The following SLC9D1 variants were observed in gnomAD, a reference collection of about 807,000 sequenced individuals.
SLC9D1 encodes the protein solute carrier family 9 member D1.
At chr13:113,500,401 G>C in the SLC9D1 span, among the ~76,000 whole-genome samples, 1 of 152,162 alleles carries the variant, frequency 6.6e-6, no homozygotes, top group African/African-American at 2.4e-5. Context: ...TTTGAAATTA[G>C]GAGTTACTGT....
At chr13:113,533,390 G>A in the SLC9D1 span, among the ~76,000 whole-genome samples, 1 of 152,292 alleles carries the variant, frequency 6.6e-6, no homozygotes, top group Non-Finnish European at 1.5e-5. Flanking sequence ...AGAGGCTGAC[G>A]CCCTTGGGAA....
chr13:113,513,208 G>C, the SLC9D1 span, among the ~76,000 whole-genome samples: 1 of 152,160 alleles, frequency 6.6e-6, no homozygotes, highest in Non-Finnish European at 1.5e-5. Context: ...ATAGCGGATA[G>C]GTAACCCACA....
At chr13:113,502,689 C>G in the SLC9D1 span, among the ~76,000 whole-genome samples, 1 of 152,174 alleles carries the variant, frequency 6.6e-6, no homozygotes, top group Non-Finnish European at 1.5e-5. Context: ...GTGCGAGCAG[C>G]GTGGAGAACG....
At chr13:113,515,890 C>CAAAAAAA in the SLC9D1 span, among the ~76,000 whole-genome samples, 3 of 79,054 alleles carry the variant, frequency 3.8e-5, no homozygotes, top group East Asian at 3.9e-4. Flanking sequence ...GACTCCGTCC[C>CAAAAAAA]AAAAAAAAAA....
At chr13:113,502,456 G>A in the SLC9D1 span, among the ~76,000 whole-genome samples, 10,119 of 152,004 alleles carry the variant, frequency 0.067, 386 homozygotes, top group Non-Finnish European at 0.078. Flanking sequence ...CTCATAATCC[G>A]CCCGCCTCGG....
At chr13:113,496,054 G>C in the SLC9D1 span, 1 of 1,475,720 alleles carries the variant, frequency 6.8e-7, no homozygotes. Context: ...GAGAGAGAGA[G>C]AGGGAGAGGG....
the SLC9D1 span, among the ~76,000 whole-genome samples, chr13:113,536,314 G>A: frequency 6.6e-6 from 1 of 150,984 alleles, no homozygotes; most frequent in Non-Finnish European, 1.5e-5. Flanking sequence ...GGAGGCAGAG[G>A]CAGAGTTGAT....
chr13:113,540,845 C>A, the SLC9D1 span, among the ~76,000 whole-genome samples: 1 of 152,132 alleles, frequency 6.6e-6, no homozygotes, highest in Non-Finnish European at 1.5e-5. Context: ...TTACAGGGTT[C>A]GGCTTTACAT....
chr13:113,512,568 C>T, the SLC9D1 span, among the ~76,000 whole-genome samples: 2 of 151,120 alleles, frequency 1.3e-5, no homozygotes, highest in Non-Finnish European at 3.0e-5. Context: ...CTCGGAGCCC[C>T]AGGTGCTGGA....
chr13:113,520,582 C>G, the SLC9D1 span: 9 of 1,510,582 alleles, frequency 6.0e-6, no homozygotes, highest in Non-Finnish European at 8.3e-6. Flanking sequence ...TTTGAGTTGT[C>G]GTAGACCTGT....
At chr13:113,546,364 G>A in the SLC9D1 span, among the ~76,000 whole-genome samples, 4 of 152,116 alleles carry the variant, frequency 2.6e-5, no homozygotes, top group African/African-American at 4.8e-5. This position sits in a 1 kb window ranked among gnomAD's most constrained non-coding sequence, Gnocchi z 7.1. Flanking sequence ...GCTGGTGGCC[G>A]GGGTAGGAGG....
At chr13:113,522,156 A>AT in the SLC9D1 span, among the ~76,000 whole-genome samples, 1 of 152,204 alleles carries the variant, frequency 6.6e-6, no homozygotes, top group Non-Finnish European at 1.5e-5. Flanking sequence ...CTTGGGAAGC[A>AT]TTCAGTCTCT....
the SLC9D1 span, among the ~76,000 whole-genome samples, chr13:113,494,657 T>C: frequency 1.3e-5 from 2 of 150,946 alleles, no homozygotes; most frequent in African/African-American, 2.4e-5. Flanking sequence ...TATTGTGGCA[T>C]ATATATATAT....
the SLC9D1 span, among the ~76,000 whole-genome samples, chr13:113,510,721 T>A: frequency 1.3e-5 from 2 of 152,182 alleles, no homozygotes; most frequent in Non-Finnish European, 1.5e-5. Flanking sequence ...CACTGGAAAA[T>A]GACCTGTGGA....
chr13:113,539,489 GT>G, the SLC9D1 span: 1 of 1,612,600 alleles, frequency 6.2e-7, no homozygotes. This position sits in a 1 kb window ranked among gnomAD's most constrained non-coding sequence, Gnocchi z 4.8. Flanking sequence ...CCTGGCCATC[GT>G]TTTCTTCGCC....
At chr13:113,501,736 T>G in the SLC9D1 span, 1 of 1,603,568 alleles carries the variant, frequency 6.2e-7, no homozygotes, top group Non-Finnish European at 8.5e-7. Context: ...TGTTTCTTAT[T>G]TATTTTATTC....
chr13:113,504,653 A>ATCCTTGT, the SLC9D1 span: 1 of 152,236 alleles, frequency 6.6e-6, no homozygotes, highest in Non-Finnish European at 1.5e-5. Flanking sequence ...AGGTTGCTAC[A>ATCCTTGT]AATACCCCTT....
At chr13:113,550,009 A>G in the SLC9D1 span, 1 of 255,816 alleles carries the variant, frequency 3.9e-6, no homozygotes, top group African/African-American at 2.3e-5. Context: ...TTGGAAGCTT[A>G]CTTTTGATTC....
the SLC9D1 span, among the ~76,000 whole-genome samples, chr13:113,544,006 T>TAGACGGCATCTGCCCGCTTC: frequency 6.6e-6 from 1 of 152,262 alleles, no homozygotes; most frequent in East Asian, 1.9e-4. Context: ...AGGCAGCACG[T>TAGACGGCATCTGCCCGCTTC]AGACGGCATC....
Sources: gnomAD v4.1 joint callset for allele counts (sites outside exome capture counted in the v4.1 genomes callset) on GRCh38, gnomAD v4.1.1 for gene constraint, Gnocchi (gnomAD v3.1) non-coding constraint, MANE v1.5 for transcripts, NCBI Gene and HGNC (gene_info 2026-07-23, HGNC 2026-07-21) for gene names.